Variants in SLC35E2B observed in about 807,000 individuals in gnomAD.
SLC35E2B encodes solute carrier family 35, member E2B.
SLC35E2B carries 18 observed loss-of-function variants against 32.4 expected under a neutral mutation model. The ratio of observed to expected loss-of-function variants is 0.56; its 90% CI spans 0.38 to 0.82. The LOEUF (loss-of-function observed/expected upper bound fraction) is 0.82. SLC35E2B is among the 40% of genes least tolerant of loss of function. SLC35E2B has a pLI of 0.00. For missense variants in SLC35E2B, 263 were observed against 469.5 expected (o/e 0.56, Z 4.06); for synonymous variants, 132 against 209.1 (o/e 0.63, Z 3.18).
At position 1,681,434 on chromosome 1, in the gene SLC35E2B, C is replaced by T. The variant is rs1643898926; in HGVS notation, c.-147-4588G>A. Among the ~76,000 whole-genome samples the T allele has an allele frequency of 2.0e-5, 3 of 151,086 alleles. No individual in the cohort carries two copies. In the South Asian group the frequency reaches 6.3e-4, roughly 32 times the overall value. On this transcript the variant is annotated intron_variant, in intron 2 of 9. Transcript: ENST00000617444. Reference sequence around the variant, plus strand: ...ATGTTACCCAGGATGGTCTCGATCTCCTGACCTCGTGATCCACCCACCTAG... The same window carrying T: ...ATGTTACCCAGGATGGTCTCGATCTTCTGACCTCGTGATCCACCCACCTAG...
At chr1:1,668,799 T>TGGC (rs1266914124) in intron 8 of SLC35E2B, among the ~76,000 whole-genome samples, 1 of 152,120 alleles carries the variant, frequency 6.6e-6, no homozygotes, top group Non-Finnish European at 1.5e-5. Flanking sequence ...ATGGCCAGTC[T>TGGC]GGCCAACACG....
chr1:1,663,128 C>A lies in SLC35E2B; in HGVS notation c.*2654G>T. The stretch of plus-strand genomic sequence containing the variant: ...TGCTGGCTGCCTCATGGGCTCCAGG[C>A]TCCTTCTGCCAGGATGAGGAAGAGG... On this transcript the variant is annotated 3_prime_UTR_variant, in exon 10 of 10. Coordinates refer to ENST00000617444, the MANE Select transcript of SLC35E2B (RefSeq NM_001290264.2). 2.1e-6 allele frequency: 2 copies of A among 951,946 alleles called. No homozygotes were observed. Among genetic ancestry groups the A allele is most frequent in the Non-Finnish European group, 2.5e-6 (2 of 800,108 alleles). The allele number at this position is 951,946 out of a possible 1,614,324, so 59.0% of individuals were successfully genotyped here.
At chr1:1,690,549 G>A (rs1644007345) in intron 2 of SLC35E2B, among the ~76,000 whole-genome samples, 1 of 136,998 alleles carries the variant, frequency 7.3e-6, no homozygotes, top group South Asian at 2.3e-4. Flanking sequence ...GACCAGCCTG[G>A]CCAACATGAT....
intron 2 of SLC35E2B, among the ~76,000 whole-genome samples, chr1:1,682,493 C>T (rs754120139): frequency 6.6e-6 from 1 of 152,214 alleles, no homozygotes; most frequent in African/African-American, 2.4e-5. Flanking sequence ...CCCAAACCCA[C>T]CGGAGCGGGG....
At chr1:1,670,278 C>A (rs780768675) in intron 6 of SLC35E2B, 127 bp from the exon 7 acceptor site, 2 of 673,376 alleles carry the variant, frequency 3.0e-6, no homozygotes, top group East Asian at 2.8e-5. Flanking sequence ...CCCGCCACCA[C>A]GCCTGGTTAC....
intron 2 of SLC35E2B, among the ~76,000 whole-genome samples, chr1:1,680,750 T>C (rs577927678): frequency 6.6e-6 from 1 of 151,346 alleles, no homozygotes; most frequent in Admixed American, 6.6e-5. Flanking sequence ...ATATCTAATC[T>C]TCCCCCCACG....
chr1:1,679,884 G>A (rs895939118), intron 2 of SLC35E2B, among the ~76,000 whole-genome samples: 2 of 150,496 alleles, frequency 1.3e-5, no homozygotes, highest in East Asian at 3.9e-4. Flanking sequence ...TGTAATCCCA[G>A]CACTTTGGGA....
intron 2 of SLC35E2B, among the ~76,000 whole-genome samples, chr1:1,688,616 TAGA>T (rs1406067851): frequency 8.3e-6 from 1 of 121,080 alleles, no homozygotes; most frequent in Non-Finnish European, 1.7e-5. Flanking sequence ...AAATAAAGCT[TAGA>T]AACAAGAGGC....
At position 1,668,141 on chromosome 1, in the gene SLC35E2B, T is replaced by G. The variant is rs548449426; in HGVS notation, c.980+186A>C. On this transcript the variant is annotated intron_variant, in intron 9 of 9. Transcript: ENST00000617444. ...TGCTGGGATTACAGGCATGAGCCAC[T>G]GGGCCCGGCCTATCGTTTGCATTTC... is the stretch of plus-strand genomic sequence containing the variant. Among the ~76,000 whole-genome samples, 1,399 of 152,210 alleles carry G rather than the reference T, an allele frequency of 9.2e-3. 28 individuals carry two copies. Among genetic ancestry groups the G allele is most frequent in the African/African-American group, 0.032 (1,335 of 41,516 alleles).
At chr1:1,677,638 C>T (rs1221545365) in intron 2 of SLC35E2B, among the ~76,000 whole-genome samples, 5 of 151,710 alleles carry the variant, frequency 3.3e-5, no homozygotes, top group Admixed American at 6.6e-5. Context: ...CCACCACGTC[C>T]GGCTAATTTT....
chr1:1,686,092 C>A (rs553275666), intron 2 of SLC35E2B, among the ~76,000 whole-genome samples: 1 of 152,282 alleles, frequency 6.6e-6, no homozygotes, highest in South Asian at 2.1e-4. Flanking sequence ...ACAACCTTCG[C>A]CTCCCAGGTT....
intron 9 of SLC35E2B, among the ~76,000 whole-genome samples, chr1:1,666,353 C>CGTCCTTAGGTGATCTTAG (rs1643545903): frequency 1.3e-5 from 2 of 152,146 alleles, no homozygotes; most frequent in South Asian, 4.1e-4. Flanking sequence ...GTAACGGCCA[C>CGTCCTTAGGTGATCTTAG]GTCCTGTGAT....
intron 6 of SLC35E2B, 33 bp downstream of exon 6, chr1:1,671,476 G>C: frequency 7.1e-7 from 1 of 1,415,462 alleles, no homozygotes; most frequent in South Asian, 1.5e-5. Flanking sequence ...ACCGGGTCTC[G>C]TCCCCCTCAC....
chr1:1,682,318 G>A (rs899978551), intron 2 of SLC35E2B, among the ~76,000 whole-genome samples: 2 of 152,180 alleles, frequency 1.3e-5, no homozygotes, highest in Non-Finnish European at 2.9e-5. Flanking sequence ...GGAGGTGGGT[G>A]TTTAATGAGC....
rs188180406 is a variant in SLC35E2B, at chr1:1,669,192, A to G, written c.834+472T>C. Among the ~76,000 whole-genome samples, 7 of 151,786 alleles carry G rather than the reference A, an allele frequency of 4.6e-5. 1 individual carries two copies. The highest frequency in any genetic ancestry group is 1.7e-4 in the African/African-American group (7 of 41,388). On this transcript the variant is annotated intron_variant, in intron 8 of 9. Coordinates refer to ENST00000617444, the MANE Select transcript of SLC35E2B (RefSeq NM_001290264.2). The stretch of plus-strand genomic sequence containing the variant: ...AAGAACTTGAAACTGCATCTCACAC[A>G]GAGAACCCTCTGTGTGGGGGACTCT...
intron 2 of SLC35E2B, among the ~76,000 whole-genome samples, chr1:1,688,856 C>T (rs1222406478): frequency 6.6e-6 from 1 of 151,706 alleles, no homozygotes; most frequent in East Asian, 1.9e-4. Context: ...CAGGGCTGGG[C>T]GAGTAAACAA....
chr1:1,665,661 G>T lies in SLC35E2B; in HGVS notation c.*121C>A, dbSNP rs1311573521. The T allele has an allele frequency of 7.1e-7, 1 of 1,417,346 alleles. No individual in the cohort carries two copies. Among genetic ancestry groups the T allele is most frequent in the African/African-American group, 1.4e-5 (1 of 69,382 alleles). The allele number at this position is 1,417,346 out of a possible 1,614,324, so 87.8% of individuals were successfully genotyped here. A position where few individuals can be genotyped will look rare whatever the true frequency, so the allele number is the denominator to read the frequency against. ...CACCGACAAACCGAGAAAGCCGCAG[G>T]CAATGGCCAACTTAGCTCCCCATGT... On this transcript the variant is annotated 3_prime_UTR_variant, in exon 10 of 10. Transcript: ENST00000617444.
intron 2 of SLC35E2B, among the ~76,000 whole-genome samples, chr1:1,690,372 G>A (rs1268574369): frequency 6.7e-6 from 1 of 149,014 alleles, no homozygotes; most frequent in African/African-American, 2.5e-5. Flanking sequence ...AAAAATACTT[G>A]CAACATGGCA....
At chr1:1,680,702 T>G (rs1157704401) in intron 2 of SLC35E2B, among the ~76,000 whole-genome samples, 1 of 151,872 alleles carries the variant, frequency 6.6e-6, no homozygotes, top group Non-Finnish European at 1.5e-5. Flanking sequence ...ACCCCCAGCA[T>G]CCCTGTCCCC....
Sources: allele counts gnomAD v4.1 joint callset (sites outside exome capture counted in the v4.1 genomes callset), GRCh38; gene constraint gnomAD v4.1.1; transcripts MANE v1.5; gene names NCBI Gene and HGNC (gene_info 2026-07-23, HGNC 2026-07-21).